The following TENM3 variants were observed in gnomAD, a reference collection of about 807,000 sequenced individuals.
TENM3 encodes the protein teneurin-3.
In TENM3, 63 loss-of-function variants were observed where a neutral mutation model predicts 255.1. The observed-to-expected ratio is 0.25, with a 90% CI of 0.20 to 0.30. TENM3 has a LOEUF of 0.30. Among genes scored for constraint, TENM3 ranks in the 10% least tolerant of loss-of-function variants. TENM3 has a pLI of 1.00. For synonymous variants in TENM3, 1,306 were observed against 1,322.3 expected, an observed-to-expected ratio of 0.99 and a Z score of 0.27; for missense variants, 2,929 against 3,461.1, an observed-to-expected ratio of 0.85 and a Z score of 3.86.
intron 19 of TENM3, among the ~76,000 whole-genome samples, chr4:182,745,371 C>T (rs1054993991): frequency 1.3e-5 from 2 of 152,202 alleles, no homozygotes; most frequent in African/African-American, 2.4e-5. Flanking sequence ...ATTTCAAAAA[C>T]TTGCTGGTCT....
intron 3 of TENM3, among the ~76,000 whole-genome samples, chr4:182,448,822 G>GGT (rs1177067631): frequency 6.6e-6 from 1 of 151,100 alleles, no homozygotes; most frequent in Admixed American, 6.6e-5. Context: ...GAGGCGAGGG[G>GGT]GTGAGGCGGC....
At chr4:182,498,636 C>T (rs1259588431) in intron 3 of TENM3, among the ~76,000 whole-genome samples, 3 of 151,810 alleles carry the variant, frequency 2.0e-5, no homozygotes, top group Non-Finnish European at 2.9e-5. Flanking sequence ...GGCAGATCAC[C>T]TGAGGTCAGG....
At chr4:182,736,744 A>T in intron 16 of TENM3, 64 bp from the exon 17 acceptor site, 2 of 1,416,564 alleles carry the variant, frequency 1.4e-6, no homozygotes, top group Non-Finnish European at 1.9e-6. Context: ...GTGCTACATA[A>T]ATATATTTTA....
chr4:181,942,965 C>T, the TENM3 span, among the ~76,000 whole-genome samples: 1 of 152,094 alleles, frequency 6.6e-6, no homozygotes, highest in Non-Finnish European at 1.5e-5. Context: ...GACATTGGCA[C>T]TTATTTTCTA....
intron 1 of TENM3, among the ~76,000 whole-genome samples, chr4:182,218,121 C>T (rs181003547): frequency 6.6e-6 from 1 of 152,110 alleles, no homozygotes; most frequent in Non-Finnish European, 1.5e-5. Context: ...GTTCCTTGCC[C>T]AAAATCACAT....
At chr4:182,081,280 A>G in the TENM3 span, among the ~76,000 whole-genome samples, 5 of 152,186 alleles carry the variant, frequency 3.3e-5, no homozygotes, top group African/African-American at 1.2e-4. Flanking sequence ...AAGTGCTTCA[A>G]AGAAGGATGT....
At chr4:182,466,561 G>T (rs1732613458) in intron 3 of TENM3, among the ~76,000 whole-genome samples, 1 of 151,906 alleles carries the variant, frequency 6.6e-6, no homozygotes, top group Non-Finnish European at 1.5e-5. Context: ...TTGACTCCTG[G>T]GCTCAAGCGA....
chr4:182,704,886 T>C (rs889895555), intron 12 of TENM3, among the ~76,000 whole-genome samples: 2 of 151,754 alleles, frequency 1.3e-5, no homozygotes, highest in East Asian at 3.9e-4. Flanking sequence ...GCAAATTAAT[T>C]GACTTTCCTA....
chr4:181,454,597 T>A, the TENM3 span, among the ~76,000 whole-genome samples: 1 of 70,190 alleles, frequency 1.4e-5, no homozygotes, highest in East Asian at 4.5e-4. Context: ...AGACGTACAA[T>A]TTTTTTTTTT....
chr4:181,540,797 A>G, the TENM3 span, among the ~76,000 whole-genome samples: 1 of 152,062 alleles, frequency 6.6e-6, no homozygotes, highest in Non-Finnish European at 1.5e-5. Flanking sequence ...TGATGCCTAA[A>G]TGCAATGTGG....
chr4:182,779,538 T>C (rs1047107900), intron 24 of TENM3, among the ~76,000 whole-genome samples: 1 of 152,234 alleles, frequency 6.6e-6, no homozygotes, highest in Non-Finnish European at 1.5e-5. Context: ...TGTGTCTTTA[T>C]AGCAGCATGA....
At position 182,789,033 on chromosome 4, in the gene TENM3, TG is replaced by T; in HGVS notation, c.5305-56del. On this transcript the variant is annotated intron_variant, in intron 24 of 27. Coordinates refer to ENST00000511685, the MANE Select transcript of TENM3 (RefSeq NM_001080477.4). The surrounding 1 kb of genome is among the most constrained non-coding windows in gnomAD (Gnocchi z 4.4). ...ATCGTAAATGGTGTTTAAACAATACTGGGGACTCCGGTGTTGGAATAACATG... is the reference window on the plus strand; with the variant it reads ...ATCGTAAATGGTGTTTAAACAATACTGGGACTCCGGTGTTGGAATAACATG... 1 of 1,422,170 alleles carries T rather than the reference TG, an allele frequency of 7.0e-7. No homozygotes were observed. Among genetic ancestry groups the T allele is most frequent in the Non-Finnish European group, 9.5e-7 (1 of 1,050,176 alleles). The allele number at this position is 1,422,170 out of a possible 1,614,324, so 88.1% of individuals were successfully genotyped here.
chr4:182,670,487 G>A (rs1181177510), intron 6 of TENM3, among the ~76,000 whole-genome samples: 1 of 152,132 alleles, frequency 6.6e-6, no homozygotes, highest in Non-Finnish European at 1.5e-5. Context: ...ATCTCTTCAT[G>A]TCCAGGCTTC....
chr4:182,620,034 A>G (rs1749951979), intron 4 of TENM3, among the ~76,000 whole-genome samples: 1 of 152,184 alleles, frequency 6.6e-6, no homozygotes, highest in Admixed American at 6.5e-5. Context: ...TACAAACCTC[A>G]TGTGGATGCC....
At chr4:182,550,476 C>G (rs1741890146) in intron 3 of TENM3, among the ~76,000 whole-genome samples, 1 of 152,190 alleles carries the variant, frequency 6.6e-6, no homozygotes. Context: ...TGACCTTTCT[C>G]TCAGGTGGTA....
the TENM3 span, among the ~76,000 whole-genome samples, chr4:181,467,630 A>C: frequency 6.6e-6 from 1 of 152,180 alleles, no homozygotes. Flanking sequence ...TCAAGTGTGG[A>C]TGGCAGAGAA....
chr4:181,471,807 A>G, the TENM3 span, among the ~76,000 whole-genome samples: 1 of 152,240 alleles, frequency 6.6e-6, no homozygotes, highest in Non-Finnish European at 1.5e-5. Flanking sequence ...GTATTTAACC[A>G]AAGTTTTATG....
chr4:182,626,982 G>A (rs1750878832), intron 4 of TENM3, among the ~76,000 whole-genome samples: 1 of 152,118 alleles, frequency 6.6e-6, no homozygotes, highest in African/African-American at 2.4e-5. Context: ...TGATAGACCA[G>A]GGACTGATTT....
At chr4:181,662,869 G>C in the TENM3 span, among the ~76,000 whole-genome samples, 2 of 152,132 alleles carry the variant, frequency 1.3e-5, no homozygotes, top group Admixed American at 1.3e-4. Context: ...GGTAGGAAAA[G>C]AGGATAAAGT....
Sources: allele counts gnomAD v4.1 joint callset (sites outside exome capture counted in the v4.1 genomes callset), GRCh38; gene constraint gnomAD v4.1.1; non-coding constraint Gnocchi (gnomAD v3.1); transcripts MANE v1.5; gene names NCBI Gene and HGNC (gene_info 2026-07-23, HGNC 2026-07-21).